NRG3: variants seen among roughly 807,000 people sequenced by gnomAD.
The protein encoded by NRG3 is pro-neuregulin-3, membrane-bound isoform.
In NRG3, 31 loss-of-function variants were observed where a neutral mutation model predicts 66.9. The observed-to-expected ratio is 0.46, with a 90% CI of 0.35 to 0.63. The LOEUF is 0.63. Ranked by LOEUF, NRG3 falls within the 20% of genes least tolerant of loss-of-function variation. NRG3 has a pLI of 0.00. For synonymous variants in NRG3, 393 were observed against 359.4 expected, an observed-to-expected ratio of 1.09 and a Z score of -1.06; for missense variants, 910 against 878.9, an observed-to-expected ratio of 1.04 and a Z score of -0.45.
At chr10:82,691,944 G>C (rs766464244) in intron 2 of NRG3, among the ~76,000 whole-genome samples, 1 of 152,126 alleles carries the variant, frequency 6.6e-6, no homozygotes, top group Non-Finnish European at 1.5e-5. Flanking sequence ...CTGGTAATTT[G>C]TGTTTTTTGA....
At chr10:82,162,141 T>C (rs933859758) in intron 1 of NRG3, among the ~76,000 whole-genome samples, 4 of 152,164 alleles carry the variant, frequency 2.6e-5, no homozygotes, top group Non-Finnish European at 5.9e-5. Flanking sequence ...CATGGATCAA[T>C]TCTCATTCTT....
rs1245133604 is a variant in NRG3 at position 82,170,694 on chromosome 10, A to G, written c.824-188045A>G. Among the ~76,000 whole-genome samples, 8 of 137,394 alleles carry G rather than the reference A, an allele frequency of 5.8e-5. 1 individual carries two copies. The highest frequency in any genetic ancestry group is 7.9e-5 in the African/African-American group (3 of 37,752). The allele number at this position is 137,394 out of a possible 152,430, so 90.1% of individuals were successfully genotyped here. A position where few individuals can be genotyped will look rare whatever the true frequency, so the allele number is the denominator to read the frequency against. On this transcript the variant is annotated intron_variant, in intron 1 of 8. Coordinates refer to ENST00000372141, the MANE Select transcript of NRG3 (RefSeq NM_001010848.4). The stretch of plus-strand genomic sequence containing the variant: ...TATATATATATATATATATATATAT[A>G]TATGTAAATATATATAGGTATATAA...
chr10:82,291,825 C>G (rs982058561), intron 1 of NRG3, among the ~76,000 whole-genome samples: 5 of 152,110 alleles, frequency 3.3e-5, no homozygotes, highest in African/African-American at 1.2e-4. Context: ...ATATAAAAAT[C>G]AACTCAAAAT....
At chr10:82,694,667 C>A (rs2055227822) in intron 2 of NRG3, among the ~76,000 whole-genome samples, 1 of 152,164 alleles carries the variant, frequency 6.6e-6, no homozygotes, top group South Asian at 2.1e-4. Context: ...GCAGGAGGAT[C>A]CTTTGAGCCC....
rs141489137 is a variant in NRG3, at chr10:82,202,400, C to T, written c.824-156339C>T. Among the ~76,000 whole-genome samples, 291 of 152,028 alleles carry T rather than the reference C, an allele frequency of 1.9e-3. 1 individual carries two copies. The highest frequency in any genetic ancestry group is 6.7e-3 in the African/African-American group (278 of 41,482). On this transcript the variant is annotated intron_variant, in intron 1 of 8. Coordinates refer to ENST00000372141, the MANE Select transcript of NRG3 (RefSeq NM_001010848.4). ...GCATGTGAGTCTTCCTTGGTTTTTC[C>T]CTGAAGTATTTGGGAAACTGAAGGC...
intron 4 of NRG3, among the ~76,000 whole-genome samples, chr10:82,906,735 C>A (rs1412918): frequency 0.37 from 54,634 of 149,552 alleles, 10,260 homozygotes; most frequent in East Asian, 0.53. Flanking sequence ...GAGCAAATCA[C>A]ACCAACATTT....
intron 2 of NRG3, among the ~76,000 whole-genome samples, chr10:82,714,787 G>A (rs773992150): frequency 8.5e-5 from 13 of 152,290 alleles, no homozygotes; most frequent in East Asian, 5.8e-4. Flanking sequence ...AACTATGTTT[G>A]AATGAATTTT....
chr10:82,026,596 A>G lies in NRG3; in HGVS notation c.823+150433A>G, dbSNP rs1196813521. Among the ~76,000 whole-genome samples, 4 of 151,870 alleles carry G rather than the reference A, an allele frequency of 2.6e-5. No homozygotes were observed. In the East Asian group the frequency reaches 5.8e-4, roughly 22 times the overall value. ...TGTATTTTTATGCTCCAATTTATAT[A>G]TTACCTATAATTTCTGATTTCATTA... On this transcript the variant is annotated intron_variant, in intron 1 of 8. Transcript: ENST00000372141.
chr10:82,397,496 G>T lies in NRG3; in HGVS notation c.953+38628G>T, dbSNP rs149895889. Among the ~76,000 whole-genome samples, 598 of 152,254 alleles carry T rather than the reference G, an allele frequency of 3.9e-3. 1 individual carries two copies. Among genetic ancestry groups the T allele is most frequent in the African/African-American group, 0.014 (566 of 41,552 alleles). On this transcript the variant is annotated intron_variant, in intron 2 of 8. Coordinates refer to ENST00000372141, the MANE Select transcript of NRG3 (RefSeq NM_001010848.4). ...CATAGTGAGCCAATTAGGAAGAAAT[G>T]ATCTGAATATGTATCATTGTGACAA... is the stretch of plus-strand genomic sequence containing the variant.
intron 3 of NRG3, among the ~76,000 whole-genome samples, chr10:82,818,912 G>T (rs898580914): frequency 4.6e-5 from 7 of 152,072 alleles, no homozygotes; most frequent in Non-Finnish European, 7.4e-5. Context: ...TTCAATATCT[G>T]CTTTGGACAG....
intron 2 of NRG3, among the ~76,000 whole-genome samples, chr10:82,694,734 A>T (rs1227684600): frequency 6.6e-6 from 1 of 152,196 alleles, no homozygotes; most frequent in Non-Finnish European, 1.5e-5. Context: ...AGCCTGGGTG[A>T]CAGAGTTTAA....
chr10:82,301,080 T>C (rs1009875445), intron 1 of NRG3, among the ~76,000 whole-genome samples: 1 of 152,226 alleles, frequency 6.6e-6, no homozygotes, highest in Non-Finnish European at 1.5e-5. Context: ...CAGCAAGTAA[T>C]TTGGATATAT....
chr10:82,440,069 T>C (rs141665344), intron 2 of NRG3, among the ~76,000 whole-genome samples: 206 of 152,192 alleles, frequency 1.4e-3, no homozygotes, highest in African/African-American at 4.6e-3. Context: ...TGGAAAGCCA[T>C]GTGGGCATTA....
intron 1 of NRG3, among the ~76,000 whole-genome samples, chr10:82,220,913 G>T (rs1392295686): frequency 6.6e-6 from 1 of 152,160 alleles, no homozygotes; most frequent in South Asian, 2.1e-4. Flanking sequence ...GAGCCCAGGA[G>T]TTGGATGCTG....
intron 4 of NRG3, among the ~76,000 whole-genome samples, chr10:82,910,894 A>C (rs1272348253): frequency 6.6e-6 from 1 of 152,076 alleles, no homozygotes; most frequent in Non-Finnish European, 1.5e-5. Context: ...GGAACATAGT[A>C]ACTGAAGACA....
chr10:82,519,735 C>A (rs889976615), intron 2 of NRG3, among the ~76,000 whole-genome samples: 3 of 152,024 alleles, frequency 2.0e-5, no homozygotes, highest in Non-Finnish European at 4.4e-5. Context: ...TTTAACATGG[C>A]AAAAATTCTT....
chr10:82,308,645 TTCC>T (rs1028054426), intron 1 of NRG3, among the ~76,000 whole-genome samples: 1 of 152,194 alleles, frequency 6.6e-6, no homozygotes, highest in African/African-American at 2.4e-5. Flanking sequence ...TATACCAATA[TTCC>T]TCCTGTTTTT....
chr10:82,521,466 G>A (rs1175062483), intron 2 of NRG3, among the ~76,000 whole-genome samples: 2 of 151,762 alleles, frequency 1.3e-5, no homozygotes, highest in Admixed American at 1.3e-4. Context: ...TCAGTCTCCC[G>A]AGTAGCTGGG....
intron 1 of NRG3, among the ~76,000 whole-genome samples, chr10:82,138,586 T>G (rs1020851543): frequency 2.6e-5 from 4 of 152,154 alleles, no homozygotes; most frequent in Non-Finnish European, 4.4e-5. Flanking sequence ...TTAAGGAGAA[T>G]TGACTCACAT....
Sources: allele counts gnomAD v4.1 joint callset (sites outside exome capture counted in the v4.1 genomes callset), GRCh38; gene constraint gnomAD v4.1.1; transcripts MANE v1.5; gene names NCBI Gene and HGNC (gene_info 2026-07-23, HGNC 2026-07-21).